The following WRN variants were observed in gnomAD, a reference collection of about 807,000 sequenced individuals.
WRN encodes the protein bifunctional 3'-5' exonuclease/ATP-dependent helicase WRN.
In WRN, 149 loss-of-function variants were observed where a neutral mutation model predicts 180.7. That is an observed-to-expected ratio of 0.82 (90% CI 0.72 to 0.94). The LOEUF is 0.94. WRN is among the 40% of genes least tolerant of loss of function. The pLI is 0.00. For synonymous variants in WRN, 548 were observed against 568.9 expected, an observed-to-expected ratio of 0.96 and a Z score of 0.52; for missense variants, 1,661 against 1,700.1, an observed-to-expected ratio of 0.98 and a Z score of 0.40.
intron 33 of WRN, 90 bp downstream of exon 33, chr8:31,157,620 C>G: frequency 6.8e-6 from 10 of 1,462,604 alleles, no homozygotes; most frequent in African/African-American, 1.4e-5. Flanking sequence ...CAGCATTAAT[C>G]CTTTATGCTA....
intron 33 of WRN, among the ~76,000 whole-genome samples, chr8:31,159,163 G>A (rs992357572): frequency 6.6e-6 from 1 of 151,988 alleles, no homozygotes; most frequent in African/African-American, 2.4e-5. Context: ...AGCCAGACGT[G>A]GTGGCATATA....
chr8:31,077,791 G>T (rs1234212097), intron 8 of WRN, among the ~76,000 whole-genome samples: 1 of 152,164 alleles, frequency 6.6e-6, no homozygotes, highest in Non-Finnish European at 1.5e-5. Flanking sequence ...GTTTTATTTG[G>T]GAAGCAAGAA....
chr8:31,133,503 C>T (rs1422923570), intron 24 of WRN, among the ~76,000 whole-genome samples: 3 of 150,096 alleles, frequency 2.0e-5, no homozygotes, highest in African/African-American at 7.4e-5. Flanking sequence ...CCAGCCTGCG[C>T]GACAGAGCAA....
At chr8:31,152,508 G>A (rs1457606933) in intron 31 of WRN, among the ~76,000 whole-genome samples, 2 of 150,958 alleles carry the variant, frequency 1.3e-5, no homozygotes, top group Non-Finnish European at 2.9e-5. Context: ...TTATTCCCTC[G>A]ACTCGTGTAT....
Position 31,105,438 on chromosome 8 carries a change from C to A in WRN, c.2088+4483C>A, listed in dbSNP as rs1309385831. Reference sequence around the variant, plus strand: ...TGCACTCATTTTCTTGGTCATTTCACCCAACATACAGTTTTATGTTATTTT... The same window carrying A: ...TGCACTCATTTTCTTGGTCATTTCAACCAACATACAGTTTTATGTTATTTT... On this transcript the variant is annotated intron_variant, in intron 18 of 34. Coordinates refer to ENST00000298139, the MANE Select transcript of WRN (RefSeq NM_000553.6). 8.2e-5 allele frequency among the ~76,000 whole-genome samples: 12 copies of A among 146,496 alleles called. No individual in the cohort carries two copies. The Admixed American group carries it at 8.4e-4, about 10-fold the overall frequency.
intron 7 of WRN, among the ~76,000 whole-genome samples, chr8:31,073,543 A>G (rs1382091701): frequency 1.5e-5 from 2 of 129,804 alleles, no homozygotes; most frequent in African/African-American, 6.4e-5. Flanking sequence ...ATTTGGGATC[A>G]ATTTGGGAAA....
At chr8:31,052,624 T>C (rs1453319370) in intron 1 of WRN, among the ~76,000 whole-genome samples, 21 of 152,136 alleles carry the variant, frequency 1.4e-4, no homozygotes, top group Admixed American at 1.4e-3. Context: ...TGGCCTCAAA[T>C]CATCGGCCTG....
At chr8:31,132,175 G>A (rs986052133) in intron 23 of WRN, among the ~76,000 whole-genome samples, 190 bp from the exon 24 acceptor site, 4 of 151,936 alleles carry the variant, frequency 2.6e-5, no homozygotes, top group Non-Finnish European at 5.9e-5. Flanking sequence ...TATCTGTTAC[G>A]CTACAATAGT....
At chr8:31,133,201 A>G (rs1486167748) in intron 24 of WRN, among the ~76,000 whole-genome samples, 2 of 152,226 alleles carry the variant, frequency 1.3e-5, no homozygotes, top group Admixed American at 1.3e-4. Context: ...TTAGAAGTCT[A>G]TAAAGCAAAG....
intron 16 of WRN, among the ~76,000 whole-genome samples, chr8:31,092,576 A>G (rs1813793022): frequency 6.6e-6 from 1 of 151,936 alleles, no homozygotes; most frequent in African/African-American, 2.4e-5. Context: ...CACTCCCAAA[A>G]GAACACCCCT....
At chr8:31,061,518 C>T (rs1340252481) in intron 3 of WRN, among the ~76,000 whole-genome samples, 2 of 123,876 alleles carry the variant, frequency 1.6e-5, no homozygotes, top group Non-Finnish European at 3.3e-5. Flanking sequence ...TTTATTCCTA[C>T]AGCTGTTAAT....
At chr8:31,146,325 T>C (rs1418751595) in intron 28 of WRN, among the ~76,000 whole-genome samples, 1 of 150,754 alleles carries the variant, frequency 6.6e-6, no homozygotes, top group Non-Finnish European at 1.5e-5. Context: ...TGTATTTATA[T>C]TATTAAAACT....
rs143583463 is a variant in WRN at position 31,039,778 on chromosome 8, A to G, written c.-77+5805A>G. 2.6e-5 allele frequency among the ~76,000 whole-genome samples: 4 copies of G among 152,228 alleles called. No individual in the cohort carries two copies. In the East Asian group the frequency reaches 5.8e-4, roughly 22 times the overall value. On this transcript the variant is annotated intron_variant, in intron 1 of 34. Transcript: ENST00000298139. Reference sequence around the variant, plus strand: ...ATGAAAGGGTGTTGGATTTTGTCAAATGCCTTTTCTGTGTCAATTGAAATG... The same window carrying G: ...ATGAAAGGGTGTTGGATTTTGTCAAGTGCCTTTTCTGTGTCAATTGAAATG...
intron 19 of WRN, among the ~76,000 whole-genome samples, chr8:31,114,214 C>G (rs148930303): frequency 2.0e-5 from 3 of 152,220 alleles, no homozygotes; most frequent in African/African-American, 7.2e-5. Flanking sequence ...CTGCTAAATT[C>G]CTTTAATTTG....
At chr8:31,049,368 CAA>C (rs947247352) in intron 1 of WRN, among the ~76,000 whole-genome samples, 15 of 147,470 alleles carry the variant, frequency 1.0e-4, no homozygotes, top group African/African-American at 3.8e-4. Context: ...TCCATTTCTA[CAA>C]AAAATACAAA....
intron 3 of WRN, among the ~76,000 whole-genome samples, chr8:31,061,903 T>C (rs1812498747): frequency 6.6e-6 from 1 of 152,218 alleles, no homozygotes; most frequent in Admixed American, 6.5e-5. Flanking sequence ...CTTCGTATTC[T>C]GCAAAGACCA....
At chr8:31,132,204 T>C (rs188049009) in intron 23 of WRN, among the ~76,000 whole-genome samples, 161 bp from the exon 24 acceptor site, 24 of 152,300 alleles carry the variant, frequency 1.6e-4, no homozygotes, top group African/African-American at 5.8e-4. Flanking sequence ...ATATTTTAGC[T>C]ACTTTACATA....
At chr8:31,123,159 T>A (rs1801791656) in intron 21 of WRN, among the ~76,000 whole-genome samples, 1 of 152,030 alleles carries the variant, frequency 6.6e-6, no homozygotes, top group African/African-American at 2.4e-5. Context: ...CTTAGAATCA[T>A]CCCTTTGTCC....
intron 33 of WRN, among the ~76,000 whole-genome samples, chr8:31,162,534 A>G (rs1252289059): frequency 6.6e-6 from 1 of 152,244 alleles, no homozygotes; most frequent in Non-Finnish European, 1.5e-5. Flanking sequence ...AATGTATAGT[A>G]TAGCAAACAC....
Sources: gnomAD v4.1 joint callset for allele counts (sites outside exome capture counted in the v4.1 genomes callset) on GRCh38, gnomAD v4.1.1 for gene constraint, MANE v1.5 for transcripts, NCBI Gene and HGNC (gene_info 2026-07-23, HGNC 2026-07-21) for gene names.